Variants in EPB41L2 observed in about 807,000 individuals in gnomAD.
The protein encoded by EPB41L2 is band 4.1-like protein 2.
In EPB41L2, 43 loss-of-function variants were observed where a neutral mutation model predicts 113.0. The observed-to-expected ratio is 0.38, with a 90% confidence interval of 0.30 to 0.49. The LOEUF is 0.49. Among genes scored for constraint, EPB41L2 ranks in the 20% least tolerant of loss-of-function variants. EPB41L2 has a pLI of 0.95. For missense variants in EPB41L2, 1,147 were observed against 1,223.4 expected, an observed-to-expected ratio of 0.94 and a Z score of 0.93; for synonymous variants, 442 against 436.7, an observed-to-expected ratio of 1.01 and a Z score of -0.15.
At chr6:130,956,966 C>T (rs1456028694) in intron 1 of EPB41L2, among the ~76,000 whole-genome samples, 1 of 152,068 alleles carries the variant, frequency 6.6e-6, no homozygotes, top group African/African-American at 2.4e-5. Context: ...ACATTAAACC[C>T]AAAATCTATC....
At chr6:130,983,213 T>A (rs1337139998) in intron 1 of EPB41L2, among the ~76,000 whole-genome samples, 1 of 152,248 alleles carries the variant, frequency 6.6e-6, no homozygotes, top group East Asian at 1.9e-4. Context: ...GATGTTTCTA[T>A]CTTCCAAACA....
intron 1 of EPB41L2, among the ~76,000 whole-genome samples, chr6:130,973,126 G>T (rs999446360): frequency 1.3e-5 from 2 of 151,868 alleles, no homozygotes; most frequent in South Asian, 4.2e-4. Context: ...ATTTTAAAAA[G>T]TAAGGTTTGC....
At position 130,869,876 on chromosome 6, in the gene EPB41L2, C is replaced by A. The variant is rs776630064; in HGVS notation, c.2294G>T (p.Gly765Val). Reference sequence around the variant, plus strand: ...ATACTCCTGTTCCTCCCTGATGGTGCCCTCGGTCACTCGGTGGTGGGGACG... The same window carrying A: ...ATACTCCTGTTCCTCCCTGATGGTGACCTCGGTCACTCGGTGGTGGGGACG... ...EYRPHHRVTEGTIREEQEYEE... is the reference protein window; with the variant it reads ...EYRPHHRVTEVTIREEQEYEE... Residue 765 changes from glycine (G) to valine (V), a missense_variant, in exon 15 of 20, where the codon GGC becomes GTC. Physicochemically the swap from Gly to Val is moderately radical, Grantham distance 109. Transcript: ENST00000337057. 2 of 1,613,098 alleles carry A rather than the reference C, an allele frequency of 1.2e-6. No individual in the cohort carries two copies. The highest frequency in any genetic ancestry group is 8.5e-7 in the Non-Finnish European group (1 of 1,180,004).
chr6:130,923,498 C>T (rs758983738), intron 4 of EPB41L2, among the ~76,000 whole-genome samples: 24 of 152,146 alleles, frequency 1.6e-4, no homozygotes, highest in Admixed American at 5.9e-4. Context: ...GGCTTCTTTC[C>T]AGTTTTTAAG....
intron 19 of EPB41L2, among the ~76,000 whole-genome samples, chr6:130,847,411 A>G (rs755496627): frequency 3.9e-5 from 6 of 152,192 alleles, no homozygotes; most frequent in Non-Finnish European, 4.4e-5. Flanking sequence ...ACACACAACT[A>G]TAATAGTCCC....
At chr6:130,936,055 A>G (rs1471762582) in intron 3 of EPB41L2, among the ~76,000 whole-genome samples, 1 of 152,236 alleles carries the variant, frequency 6.6e-6, no homozygotes, top group Non-Finnish European at 1.5e-5. Context: ...AAACAAGACA[A>G]TAAACACCTC....
At chr6:130,856,212 A>G (rs1780174690) in intron 19 of EPB41L2, among the ~76,000 whole-genome samples, 1 of 152,244 alleles carries the variant, frequency 6.6e-6, no homozygotes. Flanking sequence ...TGGAAAAAAC[A>G]TAAGTCATAA....
chr6:131,047,697 G>A (rs1795723585), intron 1 of EPB41L2, among the ~76,000 whole-genome samples: 1 of 152,100 alleles, frequency 6.6e-6, no homozygotes, highest in African/African-American at 2.4e-5. Flanking sequence ...TATACAAACA[G>A]GTTGCTTTGA....
chr6:131,050,830 A>G (rs1226289207), intron 1 of EPB41L2, among the ~76,000 whole-genome samples: 2 of 152,150 alleles, frequency 1.3e-5, no homozygotes, highest in African/African-American at 4.8e-5. Flanking sequence ...CTGAGCTTAA[A>G]TGATCTGTCC....
intron 4 of EPB41L2, among the ~76,000 whole-genome samples, chr6:130,918,835 T>C (rs1012254384): frequency 1.1e-4 from 16 of 152,292 alleles, no homozygotes; most frequent in African/African-American, 3.1e-4. Flanking sequence ...CTTACATCAT[T>C]ATATTCTGTT....
intron 4 of EPB41L2, among the ~76,000 whole-genome samples, chr6:130,911,848 CTAAT>C (rs1375664427): frequency 6.6e-6 from 1 of 152,112 alleles, no homozygotes; most frequent in African/African-American, 2.4e-5. Context: ...ATAAATGAGT[CTAAT>C]TAAGTTTTAC....
chr6:130,893,124 C>T (rs187852436), intron 10 of EPB41L2, among the ~76,000 whole-genome samples: 2 of 152,114 alleles, frequency 1.3e-5, no homozygotes, highest in Admixed American at 1.3e-4. Context: ...GTTAGATGAT[C>T]AAAGATTTTA....
intron 1 of EPB41L2, among the ~76,000 whole-genome samples, chr6:130,984,069 T>C (rs1402074726): frequency 6.6e-6 from 1 of 152,170 alleles, no homozygotes; most frequent in Non-Finnish European, 1.5e-5. Context: ...TGTTAAAAAC[T>C]AAGATAAAAA....
At chr6:131,022,710 TAA>T (rs1400013385) in intron 1 of EPB41L2, among the ~76,000 whole-genome samples, 1 of 152,206 alleles carries the variant, frequency 6.6e-6, no homozygotes, top group East Asian at 1.9e-4. Context: ...GCTGCTATCA[TAA>T]AAACAGTGTC....
intron 3 of EPB41L2, among the ~76,000 whole-genome samples, chr6:130,954,402 TTGTAACA>T (rs920352711): frequency 3.3e-5 from 5 of 152,166 alleles, no homozygotes; most frequent in African/African-American, 1.2e-4. Flanking sequence ...AAGTTCCCCG[TTGTAACA>T]TGTAACACTG....
In EPB41L2 at chr6:130,974,352, C is replaced by CTATGGTATT. The variant is rs199791311; in HGVS notation, c.-14-17854_-14-17853insAATACCATA. Among the ~76,000 whole-genome samples, 1,235 of 152,256 alleles carry CTATGGTATT rather than the reference C, an allele frequency of 8.1e-3. 12 individuals are homozygous for CTATGGTATT. The highest frequency in any genetic ancestry group is 0.028 in the African/African-American group (1,163 of 41,540). On this transcript the variant is annotated intron_variant, in intron 1 of 19. Transcript: ENST00000337057. ...AGAAATAAGTACCTGTTGTGTAAGTCACCCAGTCTATGGTATTTTATTATG... is the reference window on the plus strand; with the variant it reads ...AGAAATAAGTACCTGTTGTGTAAGTCTATGGTATTACCCAGTCTATGGTATTTTATTATG...
At chr6:130,915,395 A>AT (rs1202303861) in intron 4 of EPB41L2, among the ~76,000 whole-genome samples, 2 of 152,220 alleles carry the variant, frequency 1.3e-5, no homozygotes, top group African/African-American at 4.8e-5. Flanking sequence ...TTCCATCTTT[A>AT]TTTTTACTAA....
chr6:130,906,552 T>C (rs1797783169), intron 5 of EPB41L2, among the ~76,000 whole-genome samples: 1 of 152,162 alleles, frequency 6.6e-6, no homozygotes, highest in African/African-American at 2.4e-5. Context: ...TTATAAACAG[T>C]CCTTCTAGCT....
chr6:130,862,232 A>C (rs1474080969), intron 18 of EPB41L2, among the ~76,000 whole-genome samples: 2 of 152,230 alleles, frequency 1.3e-5, no homozygotes, highest in Non-Finnish European at 2.9e-5. Flanking sequence ...AACAATACAC[A>C]TAAGTAAAAC....
Sources: gnomAD v4.1 joint callset for allele counts (sites outside exome capture counted in the v4.1 genomes callset) on GRCh38, gnomAD v4.1.1 for gene constraint, MANE v1.5 for transcripts, NCBI Gene and HGNC (gene_info 2026-07-23, HGNC 2026-07-21) for gene names.